Variants in CRLF1 observed in about 807,000 individuals in gnomAD.
CRLF1 encodes cytokine receptor-like factor 1.
A neutral mutation model predicts 48.9 loss-of-function variants in CRLF1; 36 were observed. The observed-to-expected ratio is 0.74, with a 90% confidence interval of 0.56 to 0.97. CRLF1 has a LOEUF of 0.97. Among genes scored for constraint, CRLF1 ranks in the 50% least tolerant of loss-of-function variants. The pLI is 0.00. For synonymous variants in CRLF1, 256 were observed against 253.4 expected (o/e 1.01, Z -0.10); for missense variants, 534 against 575.1 (o/e 0.93, Z 0.73).
At chr19:18,600,224 A>G (rs1211608138) in intron 1 of CRLF1, among the ~76,000 whole-genome samples, 1 of 151,832 alleles carries the variant, frequency 6.6e-6, no homozygotes, top group Non-Finnish European at 1.5e-5. Flanking sequence ...TTTGAGACGG[A>G]GTCTCGCTCT....
intron 6 of CRLF1, 113 bp downstream of exon 6, chr19:18,596,509 C>T: frequency 7.6e-7 from 1 of 1,311,636 alleles, no homozygotes; most frequent in Non-Finnish European, 1.0e-6. Flanking sequence ...CACTATGCGA[C>T]AGAATGAGGC....
Position 18,596,519 on chromosome 19 carries a change from C to T in CRLF1, c.1024+103G>A. On this transcript the variant is annotated intron_variant, in intron 6 of 8. Coordinates refer to ENST00000392386, the MANE Select transcript of CRLF1 (RefSeq NM_004750.5). ...CACACCACTATGCGACAGAATGAGG[C>T]CGTGTCTCAAAAGAAAAAAAAAAGA... is the stretch of plus-strand genomic sequence containing the variant. 5 of 1,379,704 alleles carry T rather than the reference C, an allele frequency of 3.6e-6. No individual in the cohort carries two copies. The South Asian group carries it at 7.0e-5, about 19-fold the overall frequency. 85.5% of individuals were successfully genotyped at this position (1,379,704 alleles called of 1,614,324 possible).
rs1371541048 is a variant in CRLF1 at position 18,606,077 on chromosome 19, G to GC, written c.115+464dup. Among the ~76,000 whole-genome samples, 5 of 151,538 alleles carry GC rather than the reference G, an allele frequency of 3.3e-5. No homozygotes were observed. The highest frequency in any genetic ancestry group is 3.9e-4 in the East Asian group (2 of 5,108). ...GGCTGCGCGCCAGGCGGCCAGAGCG[G>GC]CCCCCCTGCAGCCCCGCCCTCCCCG... On this transcript the variant is annotated intron_variant, in intron 1 of 8. Coordinates refer to ENST00000392386, the MANE Select transcript of CRLF1 (RefSeq NM_004750.5). The surrounding 1 kb of genome is among the most constrained non-coding windows in gnomAD (Gnocchi z 4.8).
At chr19:18,597,071 C>T (rs2145329817) in intron 4 of CRLF1, 22 bp from the exon 5 acceptor site, 1 of 1,608,284 alleles carries the variant, frequency 6.2e-7, no homozygotes, top group East Asian at 2.2e-5. Context: ...AGGAGGGACC[C>T]TCTCAGCCTG....
Position 18,594,047 on chromosome 19 carries a change from C to CCCTCT in CRLF1, c.1255+17_1255+18insAGAGG. On this transcript the variant is annotated intron_variant, in intron 8 of 8. Transcript: ENST00000392386. ...CTCCCCTTGCTCCCTCCCGCCCACC[C>CCCTCT]ATTCAGGCCCACCTTACCTCTCGCC... is the stretch of plus-strand genomic sequence containing the variant. 6.5e-7 allele frequency: 1 copy of CCCTCT among 1,527,492 alleles called. No homozygotes were observed. Among genetic ancestry groups the CCCTCT allele is most frequent in the Non-Finnish European group, 8.8e-7 (1 of 1,134,434 alleles). 94.6% of individuals were successfully genotyped at this position (1,527,492 alleles called of 1,614,324 possible).
At position 18,598,788 on chromosome 19, in the gene CRLF1, G is replaced by A. The variant is rs1457680059; in HGVS notation, c.511C>T (p.Leu171Phe). The A allele has an allele frequency of 9.9e-6, 16 of 1,614,126 alleles. No individual in the cohort carries two copies. Among genetic ancestry groups the A allele is most frequent in the Non-Finnish European group, 1.3e-5 (15 of 1,180,000 alleles). Residue 171 changes from leucine to phenylalanine, a missense_variant, in exon 3 of 9, where the codon CTC becomes TTC. Physicochemically the swap from Leu to Phe is conservative, Grantham distance 22. This residue lies in a region of CRLF1 where 528 missense variants were observed against 555.7 expected (regional missense o/e 0.95). Transcript: ENST00000392386. Reference sequence around the variant, plus strand: ...ACCACCAACCTAAGCTTGTACTTGAGGGAGTAGTTGGTGTGGAGGAAGGTC... The same window carrying A: ...ACCACCAACCTAAGCTTGTACTTGAAGGAGTAGTTGGTGTGGAGGAAGGTC... The part of the protein sequence containing the change: ...GETFLHTNYS[L>F]KYKLRWYGQD...
At position 18,606,573 on chromosome 19, in the gene CRLF1, G is replaced by C. The variant is rs1312697602; in HGVS notation, c.84C>G (p.Val28=). The change falls in exon 1 of 9, where the codon GTC becomes GTG. Residue 28 remains valine, a synonymous_variant. Coordinates refer to ENST00000392386, the MANE Select transcript of CRLF1 (RefSeq NM_004750.5). This position sits in a 1 kb window ranked among gnomAD's most constrained non-coding sequence, Gnocchi z 4.8. The part of the protein sequence containing the change: ...PLLPLLLLLC[V]LGAPRAGSGA... The stretch of plus-strand genomic sequence containing the variant: ...CTGATCCGGCTCGCGGCGCCCCGAG[G>C]ACGCAGAGCAGCAGCAGCAGGGGCA... The C allele has an allele frequency of 8.7e-7, 1 of 1,144,618 alleles. No homozygotes were observed. The highest frequency in any genetic ancestry group is 5.2e-5 in the Admixed American group (1 of 19,168). The allele number at this position is 1,144,618 out of a possible 1,614,324, so 70.9% of individuals were successfully genotyped here. A position where few individuals can be genotyped will look rare whatever the true frequency, so the allele number is the denominator to read the frequency against.
chr19:18,598,425 G>A lies in CRLF1; in HGVS notation c.697+7C>T, dbSNP rs758850190. The A allele has an allele frequency of 3.1e-6, 5 of 1,609,786 alleles. No homozygotes were observed. Among genetic ancestry groups the A allele is most frequent in the Non-Finnish European group, 4.2e-6 (5 of 1,177,338 alleles). On this transcript the variant is annotated splice_region_variant and intron_variant, in intron 4 of 8. Transcript: ENST00000392386. ...AGGGAGGGGCCTAGCAGACACTGGG[G>A]GCTCACCCACATCCAGGATATCCAG...
chr19:18,595,004 T>C (rs1976112547), intron 6 of CRLF1, among the ~76,000 whole-genome samples: 1 of 152,038 alleles, frequency 6.6e-6, no homozygotes, highest in Non-Finnish European at 1.5e-5. Flanking sequence ...GAGTGCAAGA[T>C]GACCCCATGG....
At chr19:18,604,875 G>A (rs185520256) in intron 1 of CRLF1, among the ~76,000 whole-genome samples, 51 of 152,274 alleles carry the variant, frequency 3.3e-4, no homozygotes, top group African/African-American at 1.1e-3. Context: ...CCAATCTGGA[G>A]CCACTGCCGT....
rs570908314 is a variant in CRLF1, at chr19:18,597,780, C to T, written c.697+652G>A. Reference sequence around the variant, plus strand: ...CTTTGATGTGACATTTTGCTGGGTGCAGAGAAGCAACTGAGGCTTAGAACT... The same window carrying T: ...CTTTGATGTGACATTTTGCTGGGTGTAGAGAAGCAACTGAGGCTTAGAACT... On this transcript the variant is annotated intron_variant, in intron 4 of 8. Transcript: ENST00000392386. 1.1e-3 allele frequency among the ~76,000 whole-genome samples: 164 copies of T among 152,220 alleles called. 1 individual carries two copies. Among genetic ancestry groups the T allele is most frequent in the Middle Eastern group, 6.8e-3 (2 of 294 alleles).
At chr19:18,594,031 C>G in intron 8 of CRLF1, 34 bp downstream of exon 8, 14 of 1,299,812 alleles carry the variant, frequency 1.1e-5, no homozygotes, top group South Asian at 6.6e-5. Context: ...CCTCCCCTTG[C>G]TCCCTCCCGC....
At chr19:18,601,784 T>A (rs923121627) in intron 1 of CRLF1, among the ~76,000 whole-genome samples, 2 of 152,134 alleles carry the variant, frequency 1.3e-5, no homozygotes, top group Non-Finnish European at 2.9e-5. Context: ...CAATCCTGCT[T>A]ATATGTTAAA....
At chr19:18,598,737 T>C in intron 3 of CRLF1, 35 bp downstream of exon 3, 1 of 1,614,056 alleles carries the variant, frequency 6.2e-7, no homozygotes. Context: ...GCAGCCAGCC[T>C]GGGACACACA....
Position 18,593,391 on chromosome 19 carries a change from A to G in CRLF1, c.*175T>C. The G allele has an allele frequency of 1.2e-6, 1 of 821,008 alleles. No homozygotes were observed. The highest frequency in any genetic ancestry group is 1.9e-6 in the Non-Finnish European group (1 of 518,900). The allele number at this position is 821,008 out of a possible 1,614,324, so 50.9% of individuals were successfully genotyped here. On this transcript the variant is annotated 3_prime_UTR_variant, in exon 9 of 9. Transcript: ENST00000392386. ...CACACACACCCACTGGGGTGCACCC[A>G]AAGGTGGCCTCACGTGGGAGTCAGA... is the stretch of plus-strand genomic sequence containing the variant.
rs1397441437 is a variant in CRLF1 at position 18,599,029 on chromosome 19, G to A, written c.398-128C>T. The A allele has an allele frequency of 2.6e-6, 4 of 1,521,152 alleles. No individual in the cohort carries two copies. In the African/African-American group the frequency reaches 4.2e-5, roughly 16 times the overall value. 94.2% of individuals were successfully genotyped at this position (1,521,152 alleles called of 1,614,324 possible). ...AAGGAGGGCAGACAGGACAGTCTCA[G>A]CCCTGTGCTGAGAAATGCCAGCACA... On this transcript the variant is annotated intron_variant, in intron 2 of 8. Transcript: ENST00000392386.
chr19:18,599,963 C>T, intron 1 of CRLF1, 117 bp from the exon 2 acceptor site: 1 of 1,130,890 alleles, frequency 8.8e-7, no homozygotes, highest in Admixed American at 3.2e-5. Context: ...TGATTGTCCC[C>T]CATTTTACAG....
At chr19:18,605,335 G>T (rs1487500466) in intron 1 of CRLF1, among the ~76,000 whole-genome samples, 1 of 152,172 alleles carries the variant, frequency 6.6e-6, no homozygotes, top group African/African-American at 2.4e-5. Flanking sequence ...AAGATGCCCG[G>T]ACCCTGCCCC....
chr19:18,596,645 G>C lies in CRLF1; in HGVS notation c.1001C>G (p.Thr334Arg). 1 of 1,613,836 alleles carries C rather than the reference G, an allele frequency of 6.2e-7. No homozygotes were observed. Among genetic ancestry groups the C allele is most frequent in the South Asian group, 1.1e-5 (1 of 91,076 alleles). Residue 334 changes from threonine (T) to arginine (R), a missense_variant, in exon 6 of 9, where the codon ACA becomes AGA. Thr to Arg is a moderately conservative substitution (Grantham distance 71). Transcript: ENST00000392386. ...ACCACTGCGGGGAGTGGAGGCGGCT[G>C]TGGGGTGGCTCCACTCACTCCAGAT... ...AGIWSEWSHPTAASTPRSERP... is the reference protein window; with the variant it reads ...AGIWSEWSHPRAASTPRSERP...
Sources: allele counts gnomAD v4.1 joint callset (sites outside exome capture counted in the v4.1 genomes callset), GRCh38; gene constraint gnomAD v4.1.1; regional missense constraint gnomAD v4.1.1; non-coding constraint Gnocchi (gnomAD v3.1); transcripts MANE v1.5; gene names NCBI Gene and HGNC (gene_info 2026-07-23, HGNC 2026-07-21).